NALCN: variants seen among roughly 807,000 people sequenced by gnomAD.
NALCN encodes the protein sodium leak channel NALCN.
In NALCN, 111 loss-of-function variants were observed where a neutral mutation model predicts 225.3. The ratio of observed to expected loss-of-function variants is 0.49; its 90% CI spans 0.42 to 0.58. The LOEUF (loss-of-function observed/expected upper bound fraction) is 0.58. Ranked by LOEUF, NALCN falls within the 20% of genes least tolerant of loss-of-function variation. The pLI, the probability that NALCN is intolerant of heterozygous loss-of-function variation, is 0.00. For missense variants in NALCN, 1,378 were observed against 2,202.4 expected (o/e 0.63, Z 7.49); for synonymous variants, 764 against 769.0 (o/e 0.99, Z 0.11).
At chr13:101,243,764 G>C (rs1317548911) in intron 11 of NALCN, among the ~76,000 whole-genome samples, 1 of 103,864 alleles carries the variant, frequency 9.6e-6, no homozygotes, top group Non-Finnish European at 2.1e-5. Context: ...TCAGTCTCTA[G>C]TGAGCTTCCC....
At position 101,414,052 on chromosome 13, in the gene NALCN, A is replaced by ATTT. The variant is rs34061768; in HGVS notation, c.-40+2258_-40+2260dup. ...AGGTGTACACCACTACACTTGGTGAATTTTTTTTTTTTTTGTAGAGACGGG... is the reference window on the plus strand; with the variant it reads ...AGGTGTACACCACTACACTTGGTGAATTTTTTTTTTTTTTTTTGTAGAGACGGG... On this transcript the variant is annotated intron_variant, in intron 1 of 43. Coordinates refer to ENST00000251127, the MANE Select transcript of NALCN (RefSeq NM_052867.4). Among the ~76,000 whole-genome samples the ATTT allele has an allele frequency of 5.5e-3, 817 of 147,568 alleles. 10 individuals are homozygous for ATTT. The highest frequency in any genetic ancestry group is 0.013 in the African/African-American group (539 of 39,940).
chr13:101,198,851 T>C (rs2039996045), intron 13 of NALCN, among the ~76,000 whole-genome samples: 1 of 152,184 alleles, frequency 6.6e-6, no homozygotes. Context: ...TGTATGTTTA[T>C]TGTGGCACTA....
intron 7 of NALCN, among the ~76,000 whole-genome samples, chr13:101,341,815 G>A (rs2045567802): frequency 6.6e-6 from 1 of 152,192 alleles, no homozygotes; most frequent in Admixed American, 6.5e-5. Flanking sequence ...CCCCATGGGG[G>A]TGATGCTACC....
At chr13:101,163,708 C>A (rs991781254) in intron 15 of NALCN, among the ~76,000 whole-genome samples, 7 of 152,054 alleles carry the variant, frequency 4.6e-5, no homozygotes, top group Admixed American at 3.9e-4. Context: ...TAGAAGGGAT[C>A]GTTTCTTCTT....
chr13:101,060,592 A>C (rs1471592789), intron 41 of NALCN, among the ~76,000 whole-genome samples: 1 of 150,780 alleles, frequency 6.6e-6, no homozygotes, highest in Non-Finnish European at 1.5e-5. Context: ...TGCCCAGCTT[A>C]TGTCTTATTT....
chr13:101,289,309 A>G (rs2043459749), intron 9 of NALCN, among the ~76,000 whole-genome samples: 1 of 151,824 alleles, frequency 6.6e-6, no homozygotes, highest in African/African-American at 2.4e-5. Context: ...TCTCCTAAAG[A>G]CCCTTGGCAT....
rs114582518 is a variant in NALCN, at chr13:101,402,913, A to G, written c.-39-3748T>C. ...GGCCCAGCAGGTTCTCTTTGCACCC[A>G]CTCTCAGCAGTGGATTGTTTTCTTG... is the stretch of plus-strand genomic sequence containing the variant. On this transcript the variant is annotated intron_variant, in intron 1 of 43. Transcript: ENST00000251127. Among the ~76,000 whole-genome samples, 1,056 of 151,998 alleles carry G rather than the reference A, an allele frequency of 6.9e-3. 13 individuals are homozygous for G. The highest frequency in any genetic ancestry group is 0.023 in the African/African-American group (939 of 41,422).
intron 3 of NALCN, among the ~76,000 whole-genome samples, chr13:101,390,466 A>G (rs2047113731): frequency 6.6e-6 from 1 of 152,108 alleles, no homozygotes; most frequent in Non-Finnish European, 1.5e-5. Flanking sequence ...GGAAAGACCA[A>G]ACCATAGATC....
intron 11 of NALCN, among the ~76,000 whole-genome samples, chr13:101,245,484 C>T (rs1258287139): frequency 6.6e-6 from 1 of 151,958 alleles, no homozygotes; most frequent in Non-Finnish European, 1.5e-5. Flanking sequence ...ATACCTCTAC[C>T]ATATTATATA....
At chr13:101,381,644 T>A (rs555634080) in intron 3 of NALCN, among the ~76,000 whole-genome samples, 2 of 152,228 alleles carry the variant, frequency 1.3e-5, no homozygotes, top group Non-Finnish European at 2.9e-5. Context: ...CTCATAAGCA[T>A]CCCTTTAACC....
At chr13:101,317,634 C>G (rs500527) in intron 7 of NALCN, among the ~76,000 whole-genome samples, 50,376 of 151,978 alleles carry the variant, frequency 0.33, 8,803 homozygotes, top group Non-Finnish European at 0.4. Context: ...TTAAACTACT[C>G]CTTTAGCGAC....
intron 13 of NALCN, among the ~76,000 whole-genome samples, chr13:101,226,939 G>T (rs1382792161): frequency 6.6e-6 from 1 of 152,052 alleles, no homozygotes; most frequent in Non-Finnish European, 1.5e-5. Context: ...CTCCCTAGGT[G>T]CAGGAATGGC....
At chr13:101,315,469 G>A (rs1475895534) in intron 7 of NALCN, among the ~76,000 whole-genome samples, 3 of 152,128 alleles carry the variant, frequency 2.0e-5, no homozygotes, top group Non-Finnish European at 4.4e-5. Flanking sequence ...TAGAGGAGAT[G>A]AAGAAATGGT....
intron 34 of NALCN, among the ~76,000 whole-genome samples, chr13:101,080,597 TAAA>T (rs2033569118): frequency 7.7e-6 from 1 of 130,258 alleles, no homozygotes; most frequent in African/African-American, 2.6e-5. Context: ...AAATAATTAT[TAAA>T]TTAATTATAT....
intron 12 of NALCN, among the ~76,000 whole-genome samples, chr13:101,235,676 A>T (rs1239667674): frequency 6.6e-6 from 1 of 152,164 alleles, no homozygotes; most frequent in East Asian, 1.9e-4. Context: ...ATGAGGAGAG[A>T]TTTACATCCA....
chr13:101,111,177 C>A lies in NALCN; in HGVS notation c.2242G>T (p.Ala748Ser), dbSNP rs77946954. The change falls in exon 19 of 44, where the codon GCA becomes TCA. Residue 748 changes from alanine to serine, a missense_variant. Around this residue, in one of 19 missense-constraint regions of NALCN, gnomAD observed 66 missense variants for 85.7 expected, o/e 0.77. Transcript: ENST00000251127. ...ACGCTGAGGATTGACCTCTCCTTTG[C>A]GGGCTGCCCCTCAAATGATCCGCTC... ...MLSGSFEGQP[A>S]KERSILSVQH... The A allele has an allele frequency of 1.2e-5, 19 of 1,608,228 alleles. No homozygotes were observed. Among genetic ancestry groups the A allele is most frequent in the East Asian group, 2.2e-5 (1 of 44,706 alleles).
chr13:101,196,815 C>T (rs2039909256), intron 13 of NALCN, among the ~76,000 whole-genome samples: 1 of 152,164 alleles, frequency 6.6e-6, no homozygotes, highest in Admixed American at 6.5e-5. Flanking sequence ...ACTCCACTGA[C>T]TCCAGGTGAG....
At chr13:101,349,805 T>A (rs942678197) in intron 6 of NALCN, among the ~76,000 whole-genome samples, 1 of 152,174 alleles carries the variant, frequency 6.6e-6, no homozygotes, top group Non-Finnish European at 1.5e-5. Flanking sequence ...TAGAGCTACA[T>A]GTCCAACTGC....
rs555140924 is a variant in NALCN, at chr13:101,242,059, C to T, written c.1267-4137G>A. The stretch of plus-strand genomic sequence containing the variant: ...TGCACACTCTGCTGAACATTTAAAA[C>T]GTCTTAATATTTTAAGTGTTTGGTA... On this transcript the variant is annotated intron_variant, in intron 11 of 43. Transcript: ENST00000251127. Among the ~76,000 whole-genome samples, 5 of 106,416 alleles carry T rather than the reference C, an allele frequency of 4.7e-5. 1 individual carries two copies. Among genetic ancestry groups the T allele is most frequent in the Non-Finnish European group, 1.1e-4 (5 of 47,446 alleles). The allele number at this position is 106,416 out of a possible 152,430, so 69.8% of individuals were successfully genotyped here. A position where few individuals can be genotyped will look rare whatever the true frequency, so the allele number is the denominator to read the frequency against.
Sources: allele counts gnomAD v4.1 joint callset (sites outside exome capture counted in the v4.1 genomes callset), GRCh38; gene constraint gnomAD v4.1.1; regional missense constraint gnomAD v4.1.1; transcripts MANE v1.5; gene names NCBI Gene and HGNC (gene_info 2026-07-23, HGNC 2026-07-21).